Variants in UMAD1 observed in about 807,000 individuals in gnomAD.
UMAD1 encodes the protein UBAP1-MVB12-associated (UMA) domain containing 1, also known as UBAP1-MVB12-associated (UMA)-domain containing protein 1.
UMAD1 carries 8 observed loss-of-function variants against 6.1 expected under a neutral mutation model. That is an observed-to-expected ratio of 1.30 (90% CI 0.76 to 2.35). The LOEUF (loss-of-function observed/expected upper bound fraction) is 2.35. Among genes scored for constraint, UMAD1 ranks in the 30% most tolerant of loss-of-function variants. The pLI, the probability that UMAD1 is intolerant of heterozygous loss-of-function variation, is 0.00. For missense variants in UMAD1, 130 were observed against 78.4 expected (o/e 1.66, Z -2.49); for synonymous variants, 56 against 31.4 (o/e 1.78, Z -2.61).
chr7:7,829,237 T>A (rs191727895), intron 3 of UMAD1, among the ~76,000 whole-genome samples: 5 of 152,368 alleles, frequency 3.3e-5, no homozygotes, highest in African/African-American at 1.2e-4. Context: ...ATGAACATTT[T>A]AAATTGTTAC....
intron 1 of UMAD1, among the ~76,000 whole-genome samples, chr7:7,664,912 G>T (rs1460588314): frequency 1.3e-5 from 2 of 152,098 alleles, no homozygotes; most frequent in African/African-American, 4.8e-5. Flanking sequence ...AAGGAGGAAG[G>T]TTAAACATCG....
intron 2 of UMAD1, among the ~76,000 whole-genome samples, chr7:7,731,787 A>C (rs965422098): frequency 6.6e-6 from 1 of 152,214 alleles, no homozygotes; most frequent in Admixed American, 6.5e-5. Flanking sequence ...ATCCATTAAA[A>C]TGTGTAAAAG....
intron 2 of UMAD1, among the ~76,000 whole-genome samples, chr7:7,732,598 A>G (rs1462238112): frequency 6.6e-6 from 1 of 152,194 alleles, no homozygotes. Context: ...GTGATCCAAC[A>G]TTCAGTCTGA....
rs926661363 is a variant in UMAD1, at chr7:7,661,320, A to G, written c.-63-11989A>G. On this transcript the variant is annotated intron_variant, in intron 1 of 3. Coordinates refer to ENST00000682710, the MANE Select transcript of UMAD1 (RefSeq NM_001302348.2). ...CCATCTCTGAAGCCTCCTTCTTTCA[A>G]TTTGTCAAACTCACCATTTTTGTTC... 6.6e-5 allele frequency among the ~76,000 whole-genome samples: 10 copies of G among 151,956 alleles called. No homozygotes were observed. The East Asian group carries it at 1.9e-3, about 29-fold the overall frequency.
chr7:7,685,034 G>A (rs901762551), intron 2 of UMAD1, among the ~76,000 whole-genome samples: 3 of 152,074 alleles, frequency 2.0e-5, no homozygotes, highest in Admixed American at 6.5e-5. Context: ...AAATTATGAT[G>A]AGTGGCTTTC....
At chr7:7,781,202 CTT>C (rs1782337058) in intron 2 of UMAD1, among the ~76,000 whole-genome samples, 1 of 152,140 alleles carries the variant, frequency 6.6e-6, no homozygotes, top group South Asian at 2.1e-4. Context: ...TCTTTTATAT[CTT>C]AGAATCCTAG....
chr7:7,722,206 T>TATAG (rs1781063854), intron 2 of UMAD1, among the ~76,000 whole-genome samples: 2 of 149,842 alleles, frequency 1.3e-5, no homozygotes, highest in Non-Finnish European at 3.0e-5. Flanking sequence ...TATATAGATA[T>TATAG]ATAGATATAT....
chr7:7,721,685 C>T (rs551718982), intron 2 of UMAD1, among the ~76,000 whole-genome samples: 1 of 152,294 alleles, frequency 6.6e-6, no homozygotes, highest in African/African-American at 2.4e-5. Context: ...TCTTCCTCCT[C>T]CTTGATCTTT....
At chr7:7,791,605 C>A (rs899636834) in intron 2 of UMAD1, among the ~76,000 whole-genome samples, 10 of 152,260 alleles carry the variant, frequency 6.6e-5, no homozygotes, top group African/African-American at 2.4e-4. Context: ...TTTTGGGGTT[C>A]CGTCAAGATC....
intron 2 of UMAD1, among the ~76,000 whole-genome samples, chr7:7,749,123 A>G (rs1018088310): frequency 4.6e-5 from 7 of 152,148 alleles, no homozygotes; most frequent in African/African-American, 1.7e-4. Flanking sequence ...GGTGTTTTAT[A>G]ATAGATTTGA....
chr7:7,691,145 GA>G (rs1222842924), intron 2 of UMAD1, among the ~76,000 whole-genome samples: 1 of 152,050 alleles, frequency 6.6e-6, no homozygotes, highest in African/African-American at 2.4e-5. Context: ...GTTTGTAGGG[GA>G]AAAAAGCTGA....
At chr7:7,672,745 A>C (rs1287471153) in intron 1 of UMAD1, among the ~76,000 whole-genome samples, 5 of 152,144 alleles carry the variant, frequency 3.3e-5, no homozygotes, top group African/African-American at 1.2e-4. Context: ...GAGTCAATTA[A>C]ATCTCCTTTC....
intron 2 of UMAD1, among the ~76,000 whole-genome samples, chr7:7,749,486 G>A (rs550750114): frequency 7.9e-5 from 12 of 152,018 alleles, no homozygotes; most frequent in African/African-American, 1.4e-4. Flanking sequence ...GTGGGTAAGC[G>A]TTTTTTTCAT....
chr7:7,676,298 T>G (rs1001484063), intron 2 of UMAD1: 2 of 395,652 alleles, frequency 5.1e-6, no homozygotes. Flanking sequence ...GGGGAATAAA[T>G]GAGTTAATGT....
At chr7:7,840,539 T>C (rs1358274650) in intron 3 of UMAD1, among the ~76,000 whole-genome samples, 1 of 92,094 alleles carries the variant, frequency 1.1e-5, no homozygotes. Flanking sequence ...TAGAGAGAAC[T>C]GTTGTAGACT....
chr7:7,758,671 C>G (rs1409359586), intron 2 of UMAD1, among the ~76,000 whole-genome samples: 3 of 152,132 alleles, frequency 2.0e-5, no homozygotes, highest in African/African-American at 7.2e-5. Flanking sequence ...TTATATAAGT[C>G]TTGTCATTTT....
At chr7:7,869,516 C>G (rs1188077017) in intron 3 of UMAD1, among the ~76,000 whole-genome samples, 1 of 152,024 alleles carries the variant, frequency 6.6e-6, no homozygotes, top group East Asian at 1.9e-4. Flanking sequence ...TTAATAGGTT[C>G]TATTGCTGTT....
intron 1 of UMAD1, among the ~76,000 whole-genome samples, chr7:7,669,766 G>A (rs1218652389): frequency 2.6e-5 from 4 of 152,178 alleles, no homozygotes; most frequent in Non-Finnish European, 4.4e-5. Flanking sequence ...GGTGACTGAT[G>A]CCTTTGTAAT....
intron 3 of UMAD1, among the ~76,000 whole-genome samples, chr7:7,862,990 C>T (rs1784143869): frequency 6.7e-6 from 1 of 150,262 alleles, no homozygotes; most frequent in Non-Finnish European, 1.5e-5. Flanking sequence ...TACTATAGTA[C>T]ATAAAATTGA....
Sources: allele counts gnomAD v4.1 joint callset (sites outside exome capture counted in the v4.1 genomes callset), GRCh38; gene constraint gnomAD v4.1.1; transcripts MANE v1.5; gene names NCBI Gene and HGNC (gene_info 2026-07-23, HGNC 2026-07-21).